DNAH3: variants seen among roughly 807,000 people sequenced by gnomAD.
DNAH3 encodes the protein axonemal beta dynein heavy chain 3.
In DNAH3, 332 loss-of-function variants were observed where a neutral mutation model predicts 432.5. The observed-to-expected ratio is 0.77, with a 90% CI of 0.70 to 0.84. The LOEUF is 0.84. Ranked by LOEUF, DNAH3 falls within the 40% of genes least tolerant of loss-of-function variation. The pLI, the probability that DNAH3 is intolerant of heterozygous loss-of-function variation, is 0.00. For missense variants in DNAH3, 4,861 were observed against 5,114.0 expected, an observed-to-expected ratio of 0.95 and a Z score of 1.51; for synonymous variants, 1,956 against 1,900.2, an observed-to-expected ratio of 1.03 and a Z score of -0.76.
At chr16:20,959,157 C>G (rs1439429498) in intron 54 of DNAH3, 22 bp downstream of exon 54, 1 of 1,607,358 alleles carries the variant, frequency 6.2e-7, no homozygotes. Context: ...CCAGAGAAGG[C>G]AGTGGTGGGA....
chr16:21,109,682 C>G (rs1195473930), intron 14 of DNAH3, among the ~76,000 whole-genome samples: 1 of 151,716 alleles, frequency 6.6e-6, no homozygotes, highest in Admixed American at 6.6e-5. Context: ...TCACTGCAGC[C>G]TTGACCTCCT....
rs1437966098 is a variant in DNAH3, at chr16:21,022,183, C to T, written c.5647-83G>A. The T allele has an allele frequency of 2.1e-6, 3 of 1,458,968 alleles. No individual in the cohort carries two copies. The African/African-American group carries it at 4.2e-5, about 20-fold the overall frequency. 90.4% of individuals were successfully genotyped at this position (1,458,968 alleles called of 1,614,324 possible). A position where few individuals can be genotyped will look rare whatever the true frequency, so the allele number is the denominator to read the frequency against. ...CAAGAGCTTGGTCTACCTTGTGAGG[C>T]TAGAGATGCTGGTTAGACTGCTGAT... On this transcript the variant is annotated intron_variant, in intron 39 of 61. Coordinates refer to ENST00000261383, the Ensembl canonical transcript of DNAH3.
chr16:20,936,013 T>A (rs1406025945), intron 60 of DNAH3, among the ~76,000 whole-genome samples: 1 of 152,174 alleles, frequency 6.6e-6, no homozygotes, highest in African/African-American at 2.4e-5. Context: ...TTTCAGGTCT[T>A]CTATTTTTTG....
intron 18 of DNAH3, among the ~76,000 whole-genome samples, chr16:21,090,583 T>C (rs2152783660): frequency 6.6e-6 from 1 of 152,278 alleles, no homozygotes; most frequent in East Asian, 1.9e-4. Flanking sequence ...TTTTCTGTAA[T>C]TTGCAACAAC....
intron 26 of DNAH3, among the ~76,000 whole-genome samples, chr16:21,059,652 G>A (rs1026476270): frequency 3.9e-5 from 6 of 151,994 alleles, no homozygotes; most frequent in African/African-American, 7.3e-5. Context: ...GTGGTTGCCT[G>A]TAGTCCTAGC....
intron 19 of DNAH3, among the ~76,000 whole-genome samples, chr16:21,082,181 T>G (rs947486025): frequency 3.3e-5 from 5 of 151,718 alleles, no homozygotes; most frequent in African/African-American, 1.2e-4. Flanking sequence ...ATTACAGGAG[T>G]GAGCCGCCAC....
At chr16:21,047,786 T>G (rs1218357023) in intron 31 of DNAH3, among the ~76,000 whole-genome samples, 132 of 151,560 alleles carry the variant, frequency 8.7e-4, no homozygotes, top group African/African-American at 3.0e-3. Context: ...TCTGTTCTGT[T>G]TTTTCCCCAT....
At chr16:21,051,972 C>T in intron 28 of DNAH3, 104 bp from the exon 29 acceptor site, 1 of 885,378 alleles carries the variant, frequency 1.1e-6, no homozygotes, top group Non-Finnish European at 1.8e-6. Context: ...CCCCCATTCT[C>T]CAAACTATTT....
In DNAH3 at chr16:21,000,506, T is replaced by A. The variant is rs1472272435; in HGVS notation, c.6139A>T (p.Ile2047Phe). 6 of 1,605,544 alleles carry A rather than the reference T, an allele frequency of 3.7e-6. No homozygotes were observed. The East Asian group carries it at 1.3e-4, about 36-fold the overall frequency. Reference sequence around the variant, plus strand: ...CGGGCTGTCTCCATTGTGGGGATGATGAGTTCTGAGACCTGTACCACACAG... The same window carrying A: ...CGGGCTGTCTCCATTGTGGGGATGAAGAGTTCTGAGACCTGTACCACACAG... Residue 2047 changes from isoleucine (I) to phenylalanine (F), a missense_variant, in exon 43 of 62, where the codon ATC (isoleucine) becomes TTC (phenylalanine). By Grantham distance (21) the Ile-to-Phe change is conservative. Transcript: ENST00000261383.
intron 29 of DNAH3, among the ~76,000 whole-genome samples, chr16:21,051,208 C>T (rs2089940861): frequency 6.6e-6 from 1 of 152,174 alleles, no homozygotes; most frequent in East Asian, 1.9e-4. Flanking sequence ...TTCACAAAAT[C>T]CCGATCTCAA....
intron 14 of DNAH3, among the ~76,000 whole-genome samples, chr16:21,111,155 T>C (rs768892535): frequency 5.3e-5 from 8 of 152,202 alleles, no homozygotes; most frequent in Non-Finnish European, 1.0e-4. Flanking sequence ...GCACTCCAGA[T>C]AGAGTGAAAC....
chr16:21,043,004 T>G (rs1597222099), intron 31 of DNAH3, among the ~76,000 whole-genome samples: 1 of 152,340 alleles, frequency 6.6e-6, no homozygotes, highest in East Asian at 1.9e-4. Flanking sequence ...CATGAACTCA[T>G]CATTTTTTAT....
At chr16:20,969,084 CTCTGTGTGTG>C (rs1567549961) in intron 52 of DNAH3, among the ~76,000 whole-genome samples, 2 of 110,620 alleles carry the variant, frequency 1.8e-5, no homozygotes, top group African/African-American at 7.9e-5. Context: ...CTTTTTCTTT[CTCTGTGTGTG>C]TGTGTGTGTG....
intron 19 of DNAH3, among the ~76,000 whole-genome samples, chr16:21,083,801 C>A (rs373275756): frequency 6.6e-6 from 1 of 152,058 alleles, no homozygotes; most frequent in Non-Finnish European, 1.5e-5. Flanking sequence ...GTCCCCAGGG[C>A]GGCCTGTGGT....
chr16:21,156,996 A>AACACACACACACACACAAACAC (rs2092902242), intron 1 of DNAH3, among the ~76,000 whole-genome samples: 2 of 147,434 alleles, frequency 1.4e-5, no homozygotes, highest in African/African-American at 5.1e-5. Flanking sequence ...AATCTAAGGA[A>AACACACACACACACACAAACAC]ACACACACAC....
chr16:21,059,447 T>C (rs993700451), intron 26 of DNAH3, among the ~76,000 whole-genome samples: 29 of 152,110 alleles, frequency 1.9e-4, no homozygotes, highest in African/African-American at 6.5e-4. Flanking sequence ...TATTGCTTTG[T>C]TCTGTGGGTG....
At chr16:20,982,922 C>T (rs1320677191) in intron 48 of DNAH3, 36 bp from the exon 49 acceptor site, 4 of 1,610,504 alleles carry the variant, frequency 2.5e-6, no homozygotes, top group African/African-American at 1.3e-5. Context: ...TACCTTCCTC[C>T]AAGGCAGGTG....
intron 52 of DNAH3, among the ~76,000 whole-genome samples, chr16:20,966,397 T>A (rs2085065684): frequency 6.6e-6 from 1 of 152,168 alleles, no homozygotes; most frequent in Non-Finnish European, 1.5e-5. Context: ...TTGCCCAGGC[T>A]GGAGGCCTCG....
chr16:20,936,050 T>TA (rs1246730916), intron 60 of DNAH3, among the ~76,000 whole-genome samples: 1 of 152,172 alleles, frequency 6.6e-6, no homozygotes, highest in Non-Finnish European at 1.5e-5. Flanking sequence ...TTTTTATATG[T>TA]AAAAAATCAA....
Sources: gnomAD v4.1 joint callset for allele counts (sites outside exome capture counted in the v4.1 genomes callset) on GRCh38, gnomAD v4.1.1 for gene constraint, MANE v1.5 for transcripts, NCBI Gene and HGNC (gene_info 2026-07-23, HGNC 2026-07-21) for gene names.